The following RPE65 variants were observed in gnomAD, a reference collection of about 807,000 sequenced individuals.
RPE65 encodes the protein retinoid isomerohydrolase RPE65.
A neutral mutation model predicts 68.5 loss-of-function variants in RPE65; 58 were observed. The ratio of observed to expected loss-of-function variants is 0.85; its 90% CI spans 0.69 to 1.05. RPE65 has a LOEUF of 1.05. Ranked by LOEUF, RPE65 falls within the 50% of genes least tolerant of loss-of-function variation. The pLI is 0.00. For missense variants in RPE65, 643 were observed against 629.9 expected, an observed-to-expected ratio of 1.02 and a Z score of -0.22; for synonymous variants, 220 against 222.2, an observed-to-expected ratio of 0.99 and a Z score of 0.09.
chr1:68,433,253 C>A (rs556360420), intron 10 of RPE65, among the ~76,000 whole-genome samples: 1 of 152,224 alleles, frequency 6.6e-6, no homozygotes, highest in Admixed American at 6.5e-5. Context: ...GGCCCTCCAA[C>A]AAGACGAGGA....
rs764381043 is a variant in RPE65, at chr1:68,439,095, G to A, written c.859-14C>T. 2 of 1,613,856 alleles carry A rather than the reference G, an allele frequency of 1.2e-6. No homozygotes were observed. The highest frequency in any genetic ancestry group is 2.2e-5 in the South Asian group (2 of 91,054). ...ATGAAGCCAAACCTTGAAAAATGAG[G>A]AAAATATTTTGATGCATTTAAAAAG... On this transcript the variant is annotated splice_polypyrimidine_tract_variant and intron_variant, in intron 8 of 13. Coordinates refer to ENST00000262340, the MANE Select transcript of RPE65 (RefSeq NM_000329.3).
chr1:68,441,097 A>C, intron 5 of RPE65, 97 bp from the exon 6 acceptor site: 145 of 1,382,938 alleles, frequency 1.0e-4, no homozygotes, highest in Non-Finnish European at 1.3e-4. Flanking sequence ...TTGAACTCTC[A>C]TCCTAAGTGC....
rs1571157054 is a variant in RPE65, at chr1:68,429,611, A to G, written c.*165T>C. 6 of 716,116 alleles carry G rather than the reference A, an allele frequency of 8.4e-6. No homozygotes were observed. The East Asian group carries it at 1.6e-4, about 20-fold the overall frequency. 44.4% of individuals were successfully genotyped at this position (716,116 alleles called of 1,614,324 possible). A position where few individuals can be genotyped will look rare whatever the true frequency, so the allele number is the denominator to read the frequency against. Reference sequence around the variant, plus strand: ...CGTACTTTTTTTTTTAAATAAAGGAATTGCTTGCTCAACTCAGTGCTTTCT... The same window carrying G: ...CGTACTTTTTTTTTTAAATAAAGGAGTTGCTTGCTCAACTCAGTGCTTTCT... On this transcript the variant is annotated 3_prime_UTR_variant, in exon 14 of 14. Transcript: ENST00000262340.
intron 6 of RPE65, among the ~76,000 whole-genome samples, chr1:68,440,525 CATGA>C (rs1645894819): frequency 6.6e-6 from 1 of 152,200 alleles, no homozygotes; most frequent in Admixed American, 6.5e-5. Flanking sequence ...TTGCCTAGCA[CATGA>C]ATAAGTGCTC....
At chr1:68,431,687 A>T in intron 10 of RPE65, 102 bp from the exon 11 acceptor site, 1 of 957,834 alleles carries the variant, frequency 1.0e-6, no homozygotes, top group African/African-American at 1.6e-5. Flanking sequence ...TTTTTAGGTC[A>T]ACATGCAGGG....
chr1:68,431,646 C>T, intron 10 of RPE65, 61 bp from the exon 11 acceptor site: 1 of 1,413,380 alleles, frequency 7.1e-7, no homozygotes, highest in East Asian at 2.3e-5. Context: ...GCCAGAAATG[C>T]AGAGTTCTTA....
chr1:68,429,914 A>G lies in RPE65; in HGVS notation c.1464T>C (p.Ser488=), dbSNP rs769814819. Residue 488 remains serine, a synonymous_variant, in exon 14 of 14, where the codon AGT becomes AGC. Coordinates refer to ENST00000262340, the MANE Select transcript of RPE65 (RefSeq NM_000329.3). ...ALEEDDGVVL[S]VVVSPGAGQK... ...GTCCTGCTCCTGGGCTCACCACCAC[A>G]CTCAGAACTACACCTGTTTATCAGA... The G allele has an allele frequency of 1.2e-6, 2 of 1,613,674 alleles. No homozygotes were observed. The highest frequency in any genetic ancestry group is 1.3e-5 in the African/African-American group (1 of 74,976).
At chr1:68,445,173 G>A (rs2100829031) in intron 3 of RPE65, among the ~76,000 whole-genome samples, 1 of 152,136 alleles carries the variant, frequency 6.6e-6, no homozygotes, top group Non-Finnish European at 1.5e-5. Context: ...ATCCTAGTTG[G>A]CCAGAGCAGG....
intron 5 of RPE65, among the ~76,000 whole-genome samples, 183 bp from the exon 6 acceptor site, chr1:68,441,183 C>G (rs1388185038): frequency 2.0e-5 from 3 of 152,118 alleles, no homozygotes; most frequent in Non-Finnish European, 2.9e-5. Context: ...GAACATAATG[C>G]CCCCTCATGT....
At chr1:68,442,651 A>G (rs1209722233) in intron 5 of RPE65, among the ~76,000 whole-genome samples, 1 of 152,366 alleles carries the variant, frequency 6.6e-6, no homozygotes, top group African/African-American at 2.4e-5. Context: ...TGCTAGTAAC[A>G]GTGGAACCTG....
intron 10 of RPE65, among the ~76,000 whole-genome samples, chr1:68,433,067 G>A (rs534546400): frequency 6.6e-6 from 1 of 152,296 alleles, no homozygotes; most frequent in Non-Finnish European, 1.5e-5. Context: ...GGGAAGATGA[G>A]AAGTTCAAGT....
chr1:68,439,169 G>C, intron 8 of RPE65, 22 bp downstream of exon 8: 1 of 1,613,994 alleles, frequency 6.2e-7, no homozygotes, highest in Non-Finnish European at 8.5e-7. Context: ...TCACAAACTT[G>C]ACAAATATAT....
chr1:68,432,262 C>G (rs77585943), intron 10 of RPE65, among the ~76,000 whole-genome samples: 14,572 of 151,990 alleles, frequency 0.096, 828 homozygotes, highest in Admixed American at 0.17. Flanking sequence ...AGTGAAGTCC[C>G]TGTCCTCATG....
In RPE65 at chr1:68,449,925, C is replaced by A. The variant is rs548327539; in HGVS notation, c.-20G>T. On this transcript the variant is annotated 5_prime_UTR_variant, in exon 1 of 14. Coordinates refer to ENST00000262340, the MANE Select transcript of RPE65 (RefSeq NM_000329.3). ...AGACATTTTCTTCCAGTTCAGGATC[C>A]AGAGTTCTGGCACCAACTGCAGAAT... 6.2e-7 allele frequency: 1 copy of A among 1,614,040 alleles called. No individual in the cohort carries two copies. Among genetic ancestry groups the A allele is most frequent in the Admixed American group, 1.7e-5 (1 of 60,026 alleles).
chr1:68,431,156 T>G lies in RPE65; in HGVS notation c.1359A>C (p.Lys453Asn), dbSNP rs1645823173. ...VPDRLCKLNV[K>N]TKETWVWQEP... ...CTTGCCAAACCCAAGTTTCTTTAGT[T>G]TTGACATTCAGCTTACAGAGCTGTT... Residue 453 changes from lysine (K) to asparagine (N), a missense_variant, in exon 13 of 14, where the codon AAA (lysine) becomes AAC (asparagine). Transcript: ENST00000262340. 6.2e-7 allele frequency: 1 copy of G among 1,613,832 alleles called. No individual in the cohort carries two copies. Among genetic ancestry groups the G allele is most frequent in the Non-Finnish European group, 8.5e-7 (1 of 1,179,816 alleles).
chr1:68,432,718 T>C (rs1225641576), intron 10 of RPE65, among the ~76,000 whole-genome samples: 1 of 152,126 alleles, frequency 6.6e-6, no homozygotes, highest in Admixed American at 6.6e-5. Context: ...GGGAAGCCAT[T>C]GGAGGGTTTT....
intron 2 of RPE65, among the ~76,000 whole-genome samples, chr1:68,448,316 A>C (rs2100833640): frequency 6.6e-6 from 1 of 152,292 alleles, no homozygotes; most frequent in Non-Finnish European, 1.5e-5. Context: ...TTCAGACACC[A>C]ATGGAACAGA....
In RPE65 at chr1:68,429,301, T is replaced by C. The variant is rs1329850288; in HGVS notation, c.*475A>G. ...TACTGTAATTAATCTTAGATGATAG[T>C]CCCTGGTTTGAGAAAAAGTTTGGTT... On this transcript the variant is annotated 3_prime_UTR_variant, in exon 14 of 14. Coordinates refer to ENST00000262340, the MANE Select transcript of RPE65 (RefSeq NM_000329.3). 1 of 164,174 alleles carries C rather than the reference T, an allele frequency of 6.1e-6. No individual in the cohort carries two copies. Among genetic ancestry groups the C allele is most frequent in the Admixed American group, 6.0e-5 (1 of 16,776 alleles). 10.2% of individuals were successfully genotyped at this position (164,174 alleles called of 1,614,324 possible).
chr1:68,446,809 A>C lies in RPE65; in HGVS notation c.146T>G (p.Leu49Arg), dbSNP rs1011553769. 1 of 1,614,012 alleles carries C rather than the reference A, an allele frequency of 6.2e-7. No homozygotes were observed. The highest frequency in any genetic ancestry group is 1.3e-5 in the African/African-American group (1 of 74,940). The change falls in exon 3 of 14, where the codon CTC (leucine) becomes CGC (arginine). Residue 49 changes from leucine to arginine, a missense_variant. Leu to Arg is a moderately radical substitution (Grantham distance 102, BLOSUM62 -2). Transcript: ENST00000262340. ...TGSLLRCGPG[L>R]FEVGSEPFYH... is the part of the protein sequence containing the mutation. ...AAATGGCTCAGATCCAACTTCAAAG[A>C]GTCCTGGCCCACATCGAAGGAGACT...
Sources: gnomAD v4.1 joint callset for allele counts (sites outside exome capture counted in the v4.1 genomes callset) on GRCh38, gnomAD v4.1.1 for gene constraint, MANE v1.5 for transcripts, NCBI Gene and HGNC (gene_info 2026-07-23, HGNC 2026-07-21) for gene names.